The following PRRC2B variants were observed in gnomAD, a reference collection of about 807,000 sequenced individuals.
The protein encoded by PRRC2B is protein PRRC2B.
PRRC2B carries 68 observed loss-of-function variants against 242.3 expected under a neutral mutation model. That is an observed-to-expected ratio of 0.28 (90% CI 0.23 to 0.34). PRRC2B has a LOEUF of 0.34. Among genes scored for constraint, PRRC2B ranks in the 10% least tolerant of loss-of-function variants. The probability of loss-of-function intolerance (pLI) is 1.00; values close to 1 mark genes in which losing one functional copy is unlikely to be tolerated. For missense variants in PRRC2B, 2,835 were observed against 2,954.8 expected (o/e 0.96, Z 0.94); for synonymous variants, 1,228 against 1,173.6 (o/e 1.05, Z -0.95).
Position 131,444,168 on chromosome 9 carries a change from C to T in PRRC2B, c.470-17C>T, listed in dbSNP as rs141451079. ...CTCCATCTCACTTCCTCCATGTCTA[C>T]CCCGTCTTCTTGACAGGTTTAAGGG... is the stretch of plus-strand genomic sequence containing the variant. On this transcript the variant is annotated splice_polypyrimidine_tract_variant and intron_variant, in intron 5 of 31. Transcript: ENST00000683519. 140 of 1,613,792 alleles carry T rather than the reference C, an allele frequency of 8.7e-5. 1 individual carries two copies. In the Middle Eastern group the frequency reaches 1.2e-3, roughly 13 times the overall value.
chr9:131,395,124 C>T (rs1217702392), intron 1 of PRRC2B, among the ~76,000 whole-genome samples: 1 of 151,898 alleles, frequency 6.6e-6, no homozygotes, highest in Non-Finnish European at 1.5e-5. Flanking sequence ...CGGAGCCCAC[C>T]TTTAGGCAAG....
At chr9:131,379,875 C>T (rs1836733199) in intron 1 of PRRC2B, among the ~76,000 whole-genome samples, 1 of 151,704 alleles carries the variant, frequency 6.6e-6, no homozygotes. Flanking sequence ...CCACCCGCCT[C>T]AGCCTCCCAA....
intron 1 of PRRC2B, among the ~76,000 whole-genome samples, chr9:131,402,072 C>A (rs567304283): frequency 2.3e-4 from 35 of 150,908 alleles, no homozygotes; most frequent in African/African-American, 8.5e-4. Context: ...CGGGTTCAAG[C>A]GATTCTCCTG....
In PRRC2B at chr9:131,473,680, G is replaced by T; in HGVS notation, c.2280G>T (p.Pro760=). Residue 760 remains proline, a synonymous_variant, in exon 15 of 32, where the codon CCG becomes CCT. Transcript: ENST00000683519. Reference sequence around the variant, plus strand: ...TGCAGAGCAAGGGCTACCCGCTCCCGCACCCGAAGTCGAGTGACACCTTGG... The same window carrying T: ...TGCAGAGCAAGGGCTACCCGCTCCCTCACCCGAAGTCGAGTGACACCTTGG... ...MALQSKGYPL[P]HPKSSDTLAM... is the part of the protein sequence containing the mutation. 1 of 1,613,702 alleles carries T rather than the reference G, an allele frequency of 6.2e-7. No homozygotes were observed. The highest frequency in any genetic ancestry group is 8.5e-7 in the Non-Finnish European group (1 of 1,179,838).
chr9:131,472,331 G>A (rs1232111004), intron 14 of PRRC2B, among the ~76,000 whole-genome samples: 1 of 152,090 alleles, frequency 6.6e-6, no homozygotes, highest in Admixed American at 6.5e-5. Context: ...TTGAGACAGA[G>A]TCTTGCTCTG....
intron 1 of PRRC2B, among the ~76,000 whole-genome samples, chr9:131,425,479 T>TTTGTTG (rs572600129): frequency 1.3e-5 from 2 of 151,460 alleles, no homozygotes; most frequent in South Asian, 2.1e-4. Flanking sequence ...TAAGAGGACT[T>TTTGTTG]TTGTTGTTGT....
At chr9:131,471,144 G>A (rs1480747148) in intron 14 of PRRC2B, among the ~76,000 whole-genome samples, 161 bp downstream of exon 14, 2 of 152,178 alleles carry the variant, frequency 1.3e-5, no homozygotes, top group East Asian at 3.8e-4. Context: ...CAAAGTGTAG[G>A]TACAATAATA....
In PRRC2B at chr9:131,408,463, A is replaced by G. The variant is rs139224277; in HGVS notation, c.-52+14200A>G. ...GTGGAATGCTGTGTAGGCATTAAAA[A>G]GAATGAGGTAGATCACTATGTGTAT... On this transcript the variant is annotated intron_variant, in intron 1 of 31. Coordinates refer to ENST00000683519, the MANE Select transcript of PRRC2B (RefSeq NM_013318.4). Among the ~76,000 whole-genome samples the G allele has an allele frequency of 2.9e-3, 438 of 152,374 alleles. 1 individual carries two copies. Among genetic ancestry groups the G allele is most frequent in the Middle Eastern group, 0.014 (4 of 294 alleles).
chr9:131,440,802 A>G (rs1344491219), intron 5 of PRRC2B, among the ~76,000 whole-genome samples: 1 of 152,242 alleles, frequency 6.6e-6, no homozygotes, highest in East Asian at 1.9e-4. Flanking sequence ...ATAGTATCTT[A>G]ACCATTTGTG....
intron 1 of PRRC2B, among the ~76,000 whole-genome samples, chr9:131,379,460 T>C (rs1836727168): frequency 1.3e-5 from 2 of 152,160 alleles, no homozygotes. Flanking sequence ...CTTGTTATTT[T>C]CCATTTTTTT....
chr9:131,411,219 T>G (rs955131805), intron 1 of PRRC2B, among the ~76,000 whole-genome samples: 1 of 151,938 alleles, frequency 6.6e-6, no homozygotes, highest in Admixed American at 6.6e-5. Flanking sequence ...ATCACGCCAC[T>G]GTACTCCAGC....
At chr9:131,465,175 A>G (rs980063249) in intron 12 of PRRC2B, 97 bp downstream of exon 12, 3 of 1,191,996 alleles carry the variant, frequency 2.5e-6, no homozygotes, top group Admixed American at 2.6e-5. Flanking sequence ...AGCAGAACGT[A>G]TGGCTTACAA....
chr9:131,464,075 G>A (rs1256735489), intron 11 of PRRC2B, among the ~76,000 whole-genome samples: 1 of 151,896 alleles, frequency 6.6e-6, no homozygotes, highest in African/African-American at 2.4e-5. Context: ...CCAAGTAGCT[G>A]GGACTACAGG....
intron 1 of PRRC2B, among the ~76,000 whole-genome samples, chr9:131,408,588 C>G (rs1373674106): frequency 6.6e-6 from 1 of 152,198 alleles, no homozygotes; most frequent in Non-Finnish European, 1.5e-5. Context: ...TTGAATAATA[C>G]AGTAGCTTCC....
chr9:131,494,094 G>A lies in PRRC2B; in HGVS notation c.6474-311G>A, dbSNP rs1588286068. Reference sequence around the variant, plus strand: ...TCCAGACCCTGAGACGGCCAGTGTCGCTTTCTGCACAGCAGGACAGCCATG... The same window carrying A: ...TCCAGACCCTGAGACGGCCAGTGTCACTTTCTGCACAGCAGGACAGCCATG... On this transcript the variant is annotated intron_variant, in intron 30 of 31. Transcript: ENST00000683519. The surrounding 1 kb of genome is among the most constrained non-coding windows in gnomAD (Gnocchi z 4.3). Among the ~76,000 whole-genome samples the A allele has an allele frequency of 6.6e-6, 1 of 152,170 alleles. No homozygotes were observed. The highest frequency in any genetic ancestry group is 1.5e-5 in the Non-Finnish European group (1 of 68,038).
chr9:131,378,702 GTGTTT>G (rs967400887), intron 1 of PRRC2B, among the ~76,000 whole-genome samples: 5 of 152,040 alleles, frequency 3.3e-5, no homozygotes, highest in Non-Finnish European at 5.9e-5. Context: ...GGCATTTTGA[GTGTTT>G]TGTTTTGTTT....
At chr9:131,463,800 T>G (rs4740244) in intron 11 of PRRC2B, among the ~76,000 whole-genome samples, 59,679 of 150,766 alleles carry the variant, frequency 0.4, 13,643 homozygotes, top group East Asian at 0.89. Flanking sequence ...CGTATTTTTT[T>G]GGGGGGCTGG....
chr9:131,474,324 A>T, intron 15 of PRRC2B, 130 bp from the exon 16 acceptor site: 1 of 778,090 alleles, frequency 1.3e-6, no homozygotes, highest in Non-Finnish European at 2.0e-6. Context: ...TTGTTTTTCT[A>T]GCTTTCTTTT....
At chr9:131,464,583 C>T (rs1306141008) in intron 11 of PRRC2B, among the ~76,000 whole-genome samples, 180 bp from the exon 12 acceptor site, 1 of 152,222 alleles carries the variant, frequency 6.6e-6, no homozygotes, top group East Asian at 1.9e-4. Flanking sequence ...GCCTAAACCA[C>T]ATTTCACATA....
Sources: gnomAD v4.1 joint callset for allele counts (sites outside exome capture counted in the v4.1 genomes callset) on GRCh38, gnomAD v4.1.1 for gene constraint, Gnocchi (gnomAD v3.1) non-coding constraint, MANE v1.5 for transcripts, NCBI Gene and HGNC (gene_info 2026-07-23, HGNC 2026-07-21) for gene names.